Variants in DEPDC5 observed in about 807,000 individuals in gnomAD.
DEPDC5 encodes the protein GATOR1 complex protein DEPDC5.
In DEPDC5, 73 loss-of-function variants were observed where a neutral mutation model predicts 217.3. The observed-to-expected ratio is 0.34, with a 90% confidence interval of 0.28 to 0.41. The LOEUF (loss-of-function observed/expected upper bound fraction) is 0.41. Among genes scored for constraint, DEPDC5 ranks in the 10% least tolerant of loss-of-function variants. The probability of loss-of-function intolerance (pLI) is 1.00; values close to 1 mark genes in which losing one functional copy is unlikely to be tolerated. For missense variants in DEPDC5, 1,675 were observed against 2,070.1 expected (o/e 0.81, Z 3.70); for synonymous variants, 733 against 756.7 (o/e 0.97, Z 0.51).
At chr22:31,879,273 A>G (rs2093108240) in intron 37 of DEPDC5, among the ~76,000 whole-genome samples, 1 of 151,828 alleles carries the variant, frequency 6.6e-6, no homozygotes, top group Non-Finnish European at 1.5e-5. Context: ...TCACCCTGAA[A>G]TGAAACCCCA....
At chr22:31,813,679 CTA>C (rs58384211) in intron 20 of DEPDC5, among the ~76,000 whole-genome samples, 23,696 of 143,920 alleles carry the variant, frequency 0.16, 2,081 homozygotes, top group African/African-American at 0.27. Context: ...TTTAATAAGG[CTA>C]TATATATATA....
At chr22:31,897,892 A>G (rs1049788463) in intron 40 of DEPDC5, among the ~76,000 whole-genome samples, 5 of 152,328 alleles carry the variant, frequency 3.3e-5, no homozygotes, top group African/African-American at 9.6e-5. Context: ...GAGAGTGTCT[A>G]GAGCTGCCTG....
chr22:31,783,732 T>C (rs1337350884), intron 8 of DEPDC5, among the ~76,000 whole-genome samples, 175 bp from the exon 9 acceptor site: 1 of 152,146 alleles, frequency 6.6e-6, no homozygotes, highest in Non-Finnish European at 1.5e-5. Context: ...TTAAAAAAAA[T>C]TGTGGTTAAA....
intron 10 of DEPDC5, among the ~76,000 whole-genome samples, chr22:31,788,642 C>T (rs1323998492): frequency 6.7e-6 from 1 of 149,414 alleles, no homozygotes; most frequent in Non-Finnish European, 1.5e-5. Flanking sequence ...GGTGTGATCT[C>T]GGCCCACTGC....
chr22:31,849,967 C>T (rs911081330), intron 31 of DEPDC5, among the ~76,000 whole-genome samples: 2 of 151,606 alleles, frequency 1.3e-5, no homozygotes, highest in African/African-American at 2.4e-5. Context: ...ACAGCCAAAC[C>T]GTATCACTGG....
intron 14 of DEPDC5, 69 bp from the exon 15 acceptor site, chr22:31,802,635 A>G: frequency 2.1e-6 from 3 of 1,439,002 alleles, no homozygotes; most frequent in Non-Finnish European, 1.8e-6. Flanking sequence ...GAGTGTAGAG[A>G]TGCTTGTCTG....
Position 31,869,585 on chromosome 22 carries a change from AAG to A in DEPDC5, c.3331-1003_3331-1002del, listed in dbSNP as rs1367840371. Among the ~76,000 whole-genome samples the A allele has an allele frequency of 2.7e-5, 4 of 146,734 alleles. No individual in the cohort carries two copies. The East Asian group carries it at 6.0e-4, about 22-fold the overall frequency. ...GTCTTTAAAAAAAAAAAAAAAAAAA[AAG>A]ACTGATAGGTTTTTAGCCACTAGTT... On this transcript the variant is annotated intron_variant, in intron 33 of 42. Coordinates refer to ENST00000651528, the MANE Select transcript of DEPDC5 (RefSeq NM_001242896.3).
chr22:31,765,135 A>C, intron 5 of DEPDC5, 75 bp downstream of exon 5: 2 of 1,169,124 alleles, frequency 1.7e-6, no homozygotes, highest in Non-Finnish European at 2.6e-6. Flanking sequence ...CTAAGGAAAC[A>C]ATGGGTTACT....
At chr22:31,760,930 T>C (rs1229391107) in intron 4 of DEPDC5, among the ~76,000 whole-genome samples, 1 of 152,138 alleles carries the variant, frequency 6.6e-6, no homozygotes, top group Admixed American at 6.5e-5. Flanking sequence ...GTGAACCTTG[T>C]ATCTGACAGA....
At chr22:31,872,886 C>G (rs1186104200) in intron 34 of DEPDC5, among the ~76,000 whole-genome samples, 1 of 152,068 alleles carries the variant, frequency 6.6e-6, no homozygotes, top group Non-Finnish European at 1.5e-5. Context: ...TCCCAAGTAG[C>G]TGAGACAACA....
intron 31 of DEPDC5, among the ~76,000 whole-genome samples, chr22:31,856,930 G>C (rs1196881882): frequency 6.6e-6 from 1 of 151,890 alleles, no homozygotes; most frequent in Non-Finnish European, 1.5e-5. Flanking sequence ...CTGCCACACC[G>C]GGCTAATTTT....
At chr22:31,802,321 A>G (rs979120443) in intron 14 of DEPDC5, among the ~76,000 whole-genome samples, 1 of 151,512 alleles carries the variant, frequency 6.6e-6, no homozygotes, top group East Asian at 1.9e-4. Context: ...GTAGAGATGG[A>G]GTTTCACCAT....
chr22:31,891,145 TA>T (rs2093430559), intron 38 of DEPDC5: 3 of 478,446 alleles, frequency 6.3e-6, no homozygotes, highest in South Asian at 5.8e-5. Context: ...GGAATGTTTT[TA>T]TTTTTTTGTA....
At chr22:31,789,566 A>G (rs2085398136) in intron 10 of DEPDC5, among the ~76,000 whole-genome samples, 1 of 152,214 alleles carries the variant, frequency 6.6e-6, no homozygotes, top group African/African-American at 2.4e-5. Context: ...GTTATACAAC[A>G]TTGTGAATGT....
At chr22:31,797,243 T>C (rs55708168) in intron 12 of DEPDC5, among the ~76,000 whole-genome samples, 10,111 of 152,108 alleles carry the variant, frequency 0.066, 367 homozygotes, top group Non-Finnish European at 0.079. Context: ...CAAGACTGGG[T>C]AATTTATAAA....
At chr22:31,828,825 A>G (rs1266051961) in intron 24 of DEPDC5, among the ~76,000 whole-genome samples, 2 of 152,222 alleles carry the variant, frequency 1.3e-5, no homozygotes, top group African/African-American at 2.4e-5. Flanking sequence ...CCCGACCTCA[A>G]GGAGCTCTGC....
At chr22:31,814,582 A>C (rs1254023536) in intron 20 of DEPDC5, 2 of 191,590 alleles carry the variant, frequency 1.0e-5, no homozygotes, top group African/African-American at 4.7e-5. Context: ...GTAAACTGGC[A>C]ATTATCTCTG....
At chr22:31,876,327 T>G (rs2092992069) in intron 37 of DEPDC5, 62 bp downstream of exon 37, 2 of 1,293,934 alleles carry the variant, frequency 1.5e-6, no homozygotes, top group Non-Finnish European at 2.2e-6. Context: ...TGACTTGCTC[T>G]TTCACATGAT....
chr22:31,761,347 T>G (rs1202647399), intron 4 of DEPDC5, among the ~76,000 whole-genome samples: 3 of 152,166 alleles, frequency 2.0e-5, no homozygotes, highest in Non-Finnish European at 4.4e-5. Context: ...AAGTGTCTAT[T>G]ATTTCCATCC....
Sources: allele counts gnomAD v4.1 joint callset (sites outside exome capture counted in the v4.1 genomes callset), GRCh38; gene constraint gnomAD v4.1.1; transcripts MANE v1.5; gene names NCBI Gene and HGNC (gene_info 2026-07-23, HGNC 2026-07-21).